ZNF385D: variants seen among roughly 807,000 people sequenced by gnomAD.
ZNF385D encodes the protein zinc finger protein 385D.
In ZNF385D, 15 loss-of-function variants were observed where a neutral mutation model predicts 35.8. The ratio of observed to expected loss-of-function variants is 0.42; its 90% CI spans 0.28 to 0.64. The LOEUF (loss-of-function observed/expected upper bound fraction) is 0.64, where lower values mean the gene tolerates loss of function less well. Among genes scored for constraint, ZNF385D ranks in the 30% least tolerant of loss-of-function variants. ZNF385D has a pLI of 0.23. For missense variants in ZNF385D, 474 were observed against 494.6 expected, an observed-to-expected ratio of 0.96 and a Z score of 0.39; for synonymous variants, 212 against 186.8, an observed-to-expected ratio of 1.13 and a Z score of -1.10.
chr3:22,226,911 T>C (rs149047172), intron 2 of ZNF385D, among the ~76,000 whole-genome samples: 6 of 152,298 alleles, frequency 3.9e-5, no homozygotes, highest in South Asian at 2.1e-4. Flanking sequence ...TTGAATCATA[T>C]CATTGAGTTC....
chr3:21,463,894 G>T, intron 4 of ZNF385D, among the ~76,000 whole-genome samples: 1 of 148,358 alleles, frequency 6.7e-6, no homozygotes, highest in Non-Finnish European at 1.5e-5. Flanking sequence ...CTTAGCCTCA[G>T]TTTTTTTTTT....
intron 3 of ZNF385D, among the ~76,000 whole-genome samples, chr3:21,894,790 G>C (rs1200020022): frequency 6.6e-6 from 1 of 152,072 alleles, no homozygotes; most frequent in African/African-American, 2.4e-5. Flanking sequence ...ATAAGTTTTA[G>C]GTGAGCATAT....
At chr3:22,282,050 G>C (rs1241541384) in intron 2 of ZNF385D, among the ~76,000 whole-genome samples, 1 of 151,836 alleles carries the variant, frequency 6.6e-6, no homozygotes, top group Admixed American at 6.6e-5. Flanking sequence ...GTTTATAGTA[G>C]CCTTGGACGA....
At chr3:21,925,452 C>T (rs533886541) in intron 3 of ZNF385D, among the ~76,000 whole-genome samples, 8 of 152,110 alleles carry the variant, frequency 5.3e-5, no homozygotes, top group Non-Finnish European at 7.4e-5. Flanking sequence ...AATCTAACAC[C>T]TTATACAAAA....
At chr3:22,340,068 T>G (rs1194171510) in intron 2 of ZNF385D, among the ~76,000 whole-genome samples, 2 of 152,196 alleles carry the variant, frequency 1.3e-5, no homozygotes, top group East Asian at 1.9e-4. Flanking sequence ...AATTAAAAAT[T>G]TCATTAAACA....
Position 21,801,583 on chromosome 3 carries a change from G to T in ZNF385D, c.326-136555C>A, listed in dbSNP as rs141889254. On this transcript the variant is annotated intron_variant, in intron 3 of 5. Transcript: ENST00000494108. ...AGGCACTGTTACCTTTTTCTCTCTG[G>T]CCAAAACGTTCACATTCTTAATCTA... is the stretch of plus-strand genomic sequence containing the variant. 1.2e-4 allele frequency among the ~76,000 whole-genome samples: 18 copies of T among 151,982 alleles called. No individual in the cohort carries two copies. In the East Asian group the frequency reaches 3.5e-3, roughly 29 times the overall value.
At chr3:22,194,167 A>C (rs1476999880) in intron 2 of ZNF385D, among the ~76,000 whole-genome samples, 1 of 117,162 alleles carries the variant, frequency 8.5e-6, no homozygotes, top group African/African-American at 2.6e-5. Flanking sequence ...AGTACATAAC[A>C]ACTATCAGAT....
At chr3:21,500,086 T>G (rs2125435937) in intron 4 of ZNF385D, among the ~76,000 whole-genome samples, 1 of 152,278 alleles carries the variant, frequency 6.6e-6, no homozygotes, top group Non-Finnish European at 1.5e-5. Flanking sequence ...AAATAGCAAT[T>G]TTATGCTGTC....
At chr3:21,673,579 G>A (rs2066639280) in intron 1 of ZNF385D, among the ~76,000 whole-genome samples, 1 of 152,098 alleles carries the variant, frequency 6.6e-6, no homozygotes, top group Non-Finnish European at 1.5e-5. Context: ...AGACACCGTT[G>A]GGACCATGCC....
intron 2 of ZNF385D, among the ~76,000 whole-genome samples, chr3:21,580,494 G>GTTGA (rs1220304323): frequency 6.6e-6 from 1 of 152,172 alleles, no homozygotes; most frequent in Non-Finnish European, 1.5e-5. Flanking sequence ...TCATTGTTTG[G>GTTGA]TTGATTATGA....
chr3:21,439,346 CTG>C (rs1701744050), intron 4 of ZNF385D, among the ~76,000 whole-genome samples: 1 of 146,814 alleles, frequency 6.8e-6, no homozygotes, highest in Non-Finnish European at 1.5e-5. Flanking sequence ...TTGGCCATGA[CTG>C]TGATTCTGCA....
chr3:21,501,003 T>G (rs1177621666), intron 4 of ZNF385D, among the ~76,000 whole-genome samples: 1 of 152,070 alleles, frequency 6.6e-6, no homozygotes, highest in Non-Finnish European at 1.5e-5. Context: ...TCCCCACGTG[T>G]GTAGAACATC....
chr3:21,960,773 C>G (rs930337692), intron 3 of ZNF385D, among the ~76,000 whole-genome samples: 1 of 151,760 alleles, frequency 6.6e-6, no homozygotes, highest in Non-Finnish European at 1.5e-5. Context: ...AGAATGAAAC[C>G]CTATCATTCA....
chr3:21,752,840 C>A (rs2070167565), upstream of ZNF385D, among the ~76,000 whole-genome samples: 1 of 152,008 alleles, frequency 6.6e-6, no homozygotes, highest in Non-Finnish European at 1.5e-5. Flanking sequence ...TCCTTTTGGA[C>A]AAATGGAAAT....
intron 3 of ZNF385D, among the ~76,000 whole-genome samples, chr3:22,078,146 C>T (rs534426790): frequency 2.0e-5 from 3 of 152,112 alleles, no homozygotes; most frequent in East Asian, 1.9e-4. Context: ...GGCTCATTAT[C>T]GGAAACGTCA....
intron 2 of ZNF385D, among the ~76,000 whole-genome samples, chr3:22,334,357 A>C (rs1414606986): frequency 1.3e-5 from 2 of 152,166 alleles, no homozygotes; most frequent in African/African-American, 4.8e-5. Context: ...CTTAAAGCCT[A>C]AGAATCAAAG....
chr3:22,103,638 A>G (rs993134926), intron 3 of ZNF385D, among the ~76,000 whole-genome samples: 1 of 150,778 alleles, frequency 6.6e-6, no homozygotes, highest in African/African-American at 2.4e-5. Flanking sequence ...ACTGAGTCCT[A>G]TTTTGCAACT....
chr3:22,235,264 T>C (rs1699114591), intron 2 of ZNF385D, among the ~76,000 whole-genome samples: 1 of 152,134 alleles, frequency 6.6e-6, no homozygotes, highest in Admixed American at 6.6e-5. Flanking sequence ...TAATTTGCCT[T>C]TAAAGAGTTT....
At chr3:22,031,796 G>A (rs1025164105) in intron 3 of ZNF385D, among the ~76,000 whole-genome samples, 1 of 152,128 alleles carries the variant, frequency 6.6e-6, no homozygotes, top group Non-Finnish European at 1.5e-5. Flanking sequence ...GCATGGTCAC[G>A]CTGCCAATTT....
Sources: allele counts gnomAD v4.1 joint callset (sites outside exome capture counted in the v4.1 genomes callset), GRCh38; gene constraint gnomAD v4.1.1; transcripts MANE v1.5; gene names NCBI Gene and HGNC (gene_info 2026-07-23, HGNC 2026-07-21).